ARHGAP15: variants seen among roughly 807,000 people sequenced by gnomAD.
ARHGAP15 encodes Rho GTPase activating protein 15.
A neutral mutation model predicts 63.7 loss-of-function variants in ARHGAP15; 51 were observed. That is an observed-to-expected ratio of 0.80 (90% confidence interval 0.64 to 1.01). ARHGAP15 has a LOEUF of 1.01. ARHGAP15 is among the 50% of genes least tolerant of loss of function. The pLI, the probability that ARHGAP15 is intolerant of heterozygous loss-of-function variation, is 0.00. For missense variants in ARHGAP15, 560 were observed against 564.6 expected, an observed-to-expected ratio of 0.99 and a Z score of 0.08; for synonymous variants, 191 against 193.8, an observed-to-expected ratio of 0.99 and a Z score of 0.12.
At chr2:143,347,175 G>A (rs1463861272) in intron 6 of ARHGAP15, among the ~76,000 whole-genome samples, 2 of 152,076 alleles carry the variant, frequency 1.3e-5, no homozygotes. Context: ...CCATAATTAT[G>A]CACATCTAAA....
At chr2:143,344,934 G>A (rs79090868) in intron 6 of ARHGAP15, among the ~76,000 whole-genome samples, 1,731 of 152,160 alleles carry the variant, frequency 0.011, 32 homozygotes, top group South Asian at 0.098. Context: ...GCTCTTAAGC[G>A]GTCGGAAAAT....
chr2:143,419,942 G>A (rs190625347), intron 6 of ARHGAP15, among the ~76,000 whole-genome samples: 2 of 151,984 alleles, frequency 1.3e-5, no homozygotes, highest in South Asian at 2.1e-4. Flanking sequence ...TGTTTTAAAG[G>A]CTTCATCTAA....
At chr2:143,731,398 A>G (rs143204341) in intron 13 of ARHGAP15, among the ~76,000 whole-genome samples, 4 of 152,242 alleles carry the variant, frequency 2.6e-5, no homozygotes, top group Admixed American at 2.6e-4. Flanking sequence ...GGTGGTCTCT[A>G]TTACCTCCAT....
intron 10 of ARHGAP15, among the ~76,000 whole-genome samples, chr2:143,547,685 CTT>C (rs11296686): frequency 0.017 from 2,407 of 142,836 alleles, 39 homozygotes; most frequent in African/African-American, 0.053. Flanking sequence ...GGAGGGATGA[CTT>C]TTTTTTTTTT....
intron 13 of ARHGAP15, among the ~76,000 whole-genome samples, chr2:143,732,303 C>T (rs1685569935): frequency 6.6e-6 from 1 of 152,140 alleles, no homozygotes; most frequent in Non-Finnish European, 1.5e-5. Flanking sequence ...ATCCAACAAG[C>T]ATTTGGAACC....
In ARHGAP15 at chr2:143,362,366, T is replaced by C. The variant is rs553292950; in HGVS notation, c.475-73235T>C. 5.9e-5 allele frequency among the ~76,000 whole-genome samples: 9 copies of C among 152,294 alleles called. No individual in the cohort carries two copies. The East Asian group carries it at 1.7e-3, about 29-fold the overall frequency. ...CAGTTGTGCTCTGTCCTAAAATACCTTCTTCTCTGGGCTTCTTTGGCATCA... is the reference window on the plus strand; with the variant it reads ...CAGTTGTGCTCTGTCCTAAAATACCCTCTTCTCTGGGCTTCTTTGGCATCA... On this transcript the variant is annotated intron_variant, in intron 6 of 13. Coordinates refer to ENST00000295095, the MANE Select transcript of ARHGAP15 (RefSeq NM_018460.4).
chr2:143,296,111 T>A (rs1015737189), intron 6 of ARHGAP15, among the ~76,000 whole-genome samples: 1 of 152,002 alleles, frequency 6.6e-6, no homozygotes, highest in Non-Finnish European at 1.5e-5. Flanking sequence ...TGCTCTCTCA[T>A]GCAGAGAATA....
intron 6 of ARHGAP15, among the ~76,000 whole-genome samples, chr2:143,298,533 C>T (rs1328036980): frequency 3.9e-5 from 6 of 151,944 alleles, no homozygotes; most frequent in African/African-American, 7.2e-5. Context: ...TTTTCTAGGA[C>T]GTGTTGGTAC....
intron 5 of ARHGAP15, chr2:143,236,119 CAT>C (rs2104932444): frequency 9.9e-7 from 1 of 1,006,202 alleles, no homozygotes; most frequent in South Asian, 2.3e-5. Flanking sequence ...TACCAGGTGT[CAT>C]ATAATTTTTT....
At chr2:143,418,441 A>G (rs112575538) in intron 6 of ARHGAP15, among the ~76,000 whole-genome samples, 17 of 152,198 alleles carry the variant, frequency 1.1e-4, no homozygotes, top group Non-Finnish European at 2.2e-4. Flanking sequence ...ACCTTGCAAT[A>G]GTGAGACATA....
intron 6 of ARHGAP15, among the ~76,000 whole-genome samples, chr2:143,276,290 T>C (rs772406098): frequency 6.6e-6 from 1 of 152,198 alleles, no homozygotes; most frequent in Non-Finnish European, 1.5e-5. Context: ...CGTGTATCAT[T>C]TCTACTCTTT....
intron 6 of ARHGAP15, among the ~76,000 whole-genome samples, chr2:143,307,853 G>GA (rs921720149): frequency 6.6e-6 from 1 of 151,784 alleles, no homozygotes; most frequent in African/African-American, 2.4e-5. Context: ...ATCTCCAAAA[G>GA]AAAAAAAGTT....
At chr2:143,392,324 C>A (rs1687569225) in intron 6 of ARHGAP15, among the ~76,000 whole-genome samples, 1 of 152,058 alleles carries the variant, frequency 6.6e-6, no homozygotes, top group Non-Finnish European at 1.5e-5. Flanking sequence ...TATTATCCTG[C>A]CAAGTCTTTT....
intron 8 of ARHGAP15, among the ~76,000 whole-genome samples, chr2:143,464,643 G>A (rs1049000727): frequency 2.0e-5 from 3 of 152,164 alleles, no homozygotes; most frequent in Non-Finnish European, 2.9e-5. Context: ...CAGTGAAAAT[G>A]ATGTAATCAA....
chr2:143,543,496 A>G (rs1196360541), intron 10 of ARHGAP15, among the ~76,000 whole-genome samples: 2 of 152,056 alleles, frequency 1.3e-5, no homozygotes, highest in Non-Finnish European at 2.9e-5. Context: ...CTCCCATTCT[A>G]TAGGTTGCCA....
rs1416209271 is a variant in ARHGAP15 at position 143,703,420 on chromosome 2, A to G, written c.1140A>G (p.Lys380=). ...CTTCCTTTTTATTTTTTTTTCCAGAAAAGCAAGACAACAACACAAGAATTG... is the reference window on the plus strand; with the variant it reads ...CTTCCTTTTTATTTTTTTTTCCAGAGAAGCAAGACAACAACACAAGAATTG... ...SFFEQFVEAI[K]KQDNNTRIEA... Residue 380 remains lysine, a splice_region_variant and synonymous_variant, in exon 13 of 14, where the codon AAA becomes AAG. Transcript: ENST00000295095. 1.3e-6 allele frequency: 2 copies of G among 1,599,834 alleles called. No homozygotes were observed. The highest frequency in any genetic ancestry group is 8.5e-7 in the Non-Finnish European group (1 of 1,176,036).
At chr2:143,378,196 T>G (rs1300892200) in intron 6 of ARHGAP15, among the ~76,000 whole-genome samples, 3 of 152,048 alleles carry the variant, frequency 2.0e-5, no homozygotes, top group Non-Finnish European at 4.4e-5. Context: ...TGATTAGCAC[T>G]TGTGAAAATA....
intron 9 of ARHGAP15, among the ~76,000 whole-genome samples, chr2:143,516,419 C>T (rs66990531): frequency 0.22 from 33,019 of 151,950 alleles, 3,859 homozygotes; most frequent in Middle Eastern, 0.27. Context: ...CTGCACACCA[C>T]GTCTACACTA....
At chr2:143,164,962 T>C (rs896884138) in intron 2 of ARHGAP15, among the ~76,000 whole-genome samples, 1 of 152,020 alleles carries the variant, frequency 6.6e-6, no homozygotes, top group Non-Finnish European at 1.5e-5. Flanking sequence ...TAAGTATAAA[T>C]GTGTAAGTAT....
Sources: gnomAD v4.1 joint callset for allele counts (sites outside exome capture counted in the v4.1 genomes callset) on GRCh38, gnomAD v4.1.1 for gene constraint, MANE v1.5 for transcripts, NCBI Gene and HGNC (gene_info 2026-07-23, HGNC 2026-07-21) for gene names.